ABHD10: variants seen among roughly 807,000 people sequenced by gnomAD.
The protein encoded by ABHD10 is abhydrolase domain containing 10, depalmitoylase.
Under a neutral mutation model 33.1 loss-of-function variants are expected in ABHD10, and 22 were observed. The observed-to-expected ratio is 0.66, with a 90% confidence interval of 0.47 to 0.95. The LOEUF (loss-of-function observed/expected upper bound fraction) is 0.95. ABHD10 is among the 40% of genes least tolerant of loss of function. The probability of loss-of-function intolerance (pLI) is 0.00; values close to 1 mark genes in which losing one functional copy is unlikely to be tolerated. For synonymous variants in ABHD10, 146 were observed against 133.9 expected (o/e 1.09, Z -0.62); for missense variants, 352 against 379.9 (o/e 0.93, Z 0.61).
rs777173210 is a variant in ABHD10, at chr3:111,986,901, A to G, written c.439-13A>G. 1.9e-6 allele frequency: 3 copies of G among 1,568,882 alleles called. No homozygotes were observed. Among genetic ancestry groups the G allele is most frequent in the East Asian group, 2.3e-5 (1 of 43,898 alleles). ...TCTTAAAGACCTAATGTTTTATTTTATTTTATTTTTAGATTCTTGTTGGAT... is the reference window on the plus strand; with the variant it reads ...TCTTAAAGACCTAATGTTTTATTTTGTTTTATTTTTAGATTCTTGTTGGAT... On this transcript the variant is annotated splice_polypyrimidine_tract_variant and intron_variant, in intron 3 of 4. Transcript: ENST00000273359.
chr3:111,979,270 G>A, intron 1 of ABHD10, 67 bp downstream of exon 1: 1 of 1,508,702 alleles, frequency 6.6e-7, no homozygotes, highest in East Asian at 2.4e-5. Flanking sequence ...CAGTTACCGT[G>A]CCTGTGCAGT....
chr3:111,989,546 A>G (rs991619313), intron 4 of ABHD10, among the ~76,000 whole-genome samples: 16 of 152,196 alleles, frequency 1.1e-4, no homozygotes, highest in African/African-American at 3.9e-4. Context: ...TTATTAATTC[A>G]GTGTCGCCTT....
chr3:111,985,685 T>C (rs1304851996), intron 2 of ABHD10, among the ~76,000 whole-genome samples: 2 of 152,188 alleles, frequency 1.3e-5, no homozygotes, highest in East Asian at 1.9e-4. Flanking sequence ...GGATGTAATA[T>C]TTGAGCCAAA....
chr3:111,991,627 A>G lies in ABHD10; in HGVS notation c.827A>G (p.His276Arg), dbSNP rs762050312. The G allele has an allele frequency of 6.2e-7, 1 of 1,614,076 alleles. No homozygotes were observed. The change falls in exon 5 of 5, where the codon CAC (histidine) becomes CGC (arginine). Residue 276 changes from histidine (H) to arginine (R), a missense_variant. His to Arg is a conservative substitution (Grantham distance 29). Transcript: ENST00000273359. ...GATGTGGATGTCATCCTCCGAAAAC[A>G]CAGTGATCACCGAATGAGGGAAAAA... ...STDVDVILRK[H>R]SDHRMREKAD... is the part of the protein sequence containing the mutation.
At chr3:111,982,616 T>A (rs2072601065) in intron 2 of ABHD10, among the ~76,000 whole-genome samples, 1 of 152,166 alleles carries the variant, frequency 6.6e-6, no homozygotes, top group Non-Finnish European at 1.5e-5. Context: ...TCAAGAAACA[T>A]GAGTTCTAGA....
Position 111,991,797 on chromosome 3 carries a change from T to G in ABHD10, c.*76T>G. The G allele has an allele frequency of 8.5e-7, 1 of 1,177,128 alleles. No individual in the cohort carries two copies. The highest frequency in any genetic ancestry group is 1.2e-6 in the Non-Finnish European group (1 of 842,362). 72.9% of individuals were successfully genotyped at this position (1,177,128 alleles called of 1,614,324 possible). ...AGGGATAAGAAATGAAAGATCCTGATACTTTAGGTTTTTCCCTTTCCTCTA... is the reference window on the plus strand; with the variant it reads ...AGGGATAAGAAATGAAAGATCCTGAGACTTTAGGTTTTTCCCTTTCCTCTA... On this transcript the variant is annotated 3_prime_UTR_variant, in exon 5 of 5. Coordinates refer to ENST00000273359, the MANE Select transcript of ABHD10 (RefSeq NM_018394.4).
At chr3:111,984,836 A>G (rs2072633697) in intron 2 of ABHD10, among the ~76,000 whole-genome samples, 1 of 152,184 alleles carries the variant, frequency 6.6e-6, no homozygotes. Flanking sequence ...ACCTACACCA[A>G]GATACTGGAC....
intron 4 of ABHD10, chr3:111,990,870 G>C (rs984544018): frequency 4.9e-5 from 22 of 452,184 alleles, no homozygotes; most frequent in African/African-American, 2.0e-5. Flanking sequence ...AGCACTTTTA[G>C]GTTTACAATT....
intron 4 of ABHD10, among the ~76,000 whole-genome samples, chr3:111,988,229 C>T (rs1434035972): frequency 6.6e-6 from 1 of 152,154 alleles, no homozygotes; most frequent in Admixed American, 6.5e-5. Context: ...TTGTTTTAAG[C>T]TCCTTAAGAA....
rs1209734791 is a variant in ABHD10, at chr3:111,993,232, T to G, written c.*1511T>G. 6.6e-6 allele frequency: 1 copy of G among 152,210 alleles called. No individual in the cohort carries two copies. The allele number at this position is 152,210 out of a possible 1,614,324, so 9.4% of individuals were successfully genotyped here. ...TGCTGGGAGAATTAAGCTCATCCTC[T>G]GTGATTCCACTGGCGGAGGATTCTT... On this transcript the variant is annotated 3_prime_UTR_variant, in exon 5 of 5. Coordinates refer to ENST00000273359, the MANE Select transcript of ABHD10 (RefSeq NM_018394.4).
chr3:111,981,758 GTT>G, intron 1 of ABHD10, 24 bp from the exon 2 acceptor site: 2 of 1,493,238 alleles, frequency 1.3e-6, no homozygotes, highest in Non-Finnish European at 1.8e-6. Flanking sequence ...ACAAACCATA[GTT>G]TACTTTTTGT....
chr3:111,991,957 C>A lies in ABHD10; in HGVS notation c.*236C>A. The A allele has an allele frequency of 2.6e-6, 1 of 382,592 alleles. No individual in the cohort carries two copies. 23.7% of individuals were successfully genotyped at this position (382,592 alleles called of 1,614,324 possible). ...TGATTTTTTTTCATTAAAGTATTTC[C>A]TTTTTTTAATTCAAGAAAAGTTTAC... is the stretch of plus-strand genomic sequence containing the variant. On this transcript the variant is annotated 3_prime_UTR_variant, in exon 5 of 5. Coordinates refer to ENST00000273359, the MANE Select transcript of ABHD10 (RefSeq NM_018394.4).
Position 111,981,820 on chromosome 3 carries a change from G to A in ABHD10, c.179G>A (p.Arg60Gln), listed in dbSNP as rs374821255. 3 of 1,594,062 alleles carry A rather than the reference G, an allele frequency of 1.9e-6. No homozygotes were observed. The highest frequency in any genetic ancestry group is 1.3e-5 in the African/African-American group (1 of 74,834). Reference protein sequence around the residue: ...RQKTSLSFLNRPDLPNLAYKK... With the variant: ...RQKTSLSFLNQPDLPNLAYKK... ...AAGACGTCACTCTCATTCCTTAATC[G>A]ACCAGACCTTCCAAACCTGGCTTAT... The change falls in exon 2 of 5, where the codon CGA (arginine) becomes CAA (glutamine). Residue 60 changes from arginine to glutamine, a missense_variant. Physicochemically the swap from Arg to Gln is conservative, Grantham distance 43 (BLOSUM62 1). Transcript: ENST00000273359.
chr3:111,981,657 T>C, intron 1 of ABHD10, 127 bp from the exon 2 acceptor site: 1 of 868,020 alleles, frequency 1.2e-6, no homozygotes, highest in Non-Finnish European at 1.7e-6. Context: ...TTCTTGTTTT[T>C]TCTATTAAAT....
chr3:111,980,516 C>G (rs558348093), intron 1 of ABHD10, among the ~76,000 whole-genome samples: 3 of 152,132 alleles, frequency 2.0e-5, no homozygotes, highest in Non-Finnish European at 4.4e-5. Flanking sequence ...TCCAAAGACT[C>G]TAAGGAAGTA....
At chr3:111,979,285 CT>C in intron 1 of ABHD10, 82 bp downstream of exon 1, 1 of 1,448,406 alleles carries the variant, frequency 6.9e-7, no homozygotes. Context: ...TGCAGTGCGT[CT>C]TTGGCGCCCG....
rs756498223 is a variant in ABHD10, at chr3:111,979,175, A to G, written c.114A>G (p.Ile38Met). 16 of 1,608,098 alleles carry G rather than the reference A, an allele frequency of 9.9e-6. No homozygotes were observed. Among genetic ancestry groups the G allele is most frequent in the Non-Finnish European group, 1.4e-5 (16 of 1,176,100 alleles). The change falls in exon 1 of 5, where the codon ATA (isoleucine) becomes ATG (methionine). Residue 38 changes from isoleucine to methionine, a missense_variant. Ile to Met is a conservative substitution (Grantham distance 10, BLOSUM62 1). Coordinates refer to ENST00000273359, the MANE Select transcript of ABHD10 (RefSeq NM_018394.4). ...HRGLSVLLAR[I>M]PQRAPRWLPA... ...GCCTCAGCGTGCTGCTTGCACGGAT[A>G]CCTCAGCGGGCGCCACGGTGGCTCC... is the stretch of plus-strand genomic sequence containing the variant.
chr3:111,987,501 G>T (rs1433616810), intron 4 of ABHD10, among the ~76,000 whole-genome samples: 1 of 152,110 alleles, frequency 6.6e-6, no homozygotes, highest in Non-Finnish European at 1.5e-5. Flanking sequence ...GAAGGGGATT[G>T]CTTCCAAGAC....
At chr3:111,989,311 C>G (rs2072712923) in intron 4 of ABHD10, among the ~76,000 whole-genome samples, 1 of 152,222 alleles carries the variant, frequency 6.6e-6, no homozygotes. Context: ...GGAATGTAAG[C>G]TTCTGAACCA....
Sources: gnomAD v4.1 joint callset for allele counts (sites outside exome capture counted in the v4.1 genomes callset) on GRCh38, gnomAD v4.1.1 for gene constraint, MANE v1.5 for transcripts, NCBI Gene and HGNC (gene_info 2026-07-23, HGNC 2026-07-21) for gene names.